TTC13: variants seen among roughly 807,000 people sequenced by gnomAD.
TTC13 encodes tetratricopeptide repeat domain 13.
Under a neutral mutation model 120.0 loss-of-function variants are expected in TTC13, and 62 were observed. The ratio of observed to expected loss-of-function variants is 0.52; its 90% confidence interval spans 0.42 to 0.64. The LOEUF is 0.64. TTC13 is among the 30% of genes least tolerant of loss of function. The pLI is 0.00. For synonymous variants in TTC13, 384 were observed against 393.5 expected (o/e 0.98, Z 0.28); for missense variants, 824 against 1,050.2 (o/e 0.78, Z 2.98).
rs951301491 is a variant in TTC13, at chr1:230,973,873, C to T, written c.271+4687G>A. ...TGGGCAGATCACGAGGTCAGGAGTT[C>T]GAGACCAGCCTGGCCAACATGGTGA... On this transcript the variant is annotated intron_variant, in intron 1 of 22. Coordinates refer to ENST00000366661, the MANE Select transcript of TTC13 (RefSeq NM_024525.5). Among the ~76,000 whole-genome samples, 6 of 152,068 alleles carry T rather than the reference C, an allele frequency of 3.9e-5. No homozygotes were observed. In the South Asian group the frequency reaches 8.3e-4, roughly 21 times the overall value.
chr1:230,910,547 G>A (rs2102731155), intron 20 of TTC13, among the ~76,000 whole-genome samples: 1 of 152,354 alleles, frequency 6.6e-6, no homozygotes, highest in African/African-American at 2.4e-5. Context: ...TTGAAGAGAT[G>A]TAGGGATGAG....
At chr1:230,922,198 C>G (rs891712571) in intron 15 of TTC13, among the ~76,000 whole-genome samples, 3 of 152,188 alleles carry the variant, frequency 2.0e-5, no homozygotes, top group African/African-American at 4.8e-5. Flanking sequence ...GGGACAACCA[C>G]GTACCTGAGG....
intron 8 of TTC13, 117 bp from the exon 9 acceptor site, chr1:230,933,978 G>A: frequency 1.8e-6 from 1 of 548,394 alleles, no homozygotes; most frequent in Non-Finnish European, 3.0e-6. Flanking sequence ...TCTTTTAGGA[G>A]GACTTTTAAA....
intron 4 of TTC13, 133 bp from the exon 5 acceptor site, chr1:230,945,587 T>C: frequency 6.4e-6 from 5 of 781,860 alleles, no homozygotes; most frequent in Middle Eastern, 3.0e-4. Context: ...CGTAAGTCAA[T>C]ACGCAGTCTC....
At chr1:230,954,482 A>G in intron 3 of TTC13, 79 bp from the exon 4 acceptor site, 5 of 1,151,226 alleles carry the variant, frequency 4.3e-6, no homozygotes, top group South Asian at 1.5e-5. Context: ...TGCTTTGGTA[A>G]ATCTCCAAAG....
At chr1:230,967,810 A>G (rs1484442380) in intron 1 of TTC13, among the ~76,000 whole-genome samples, 2 of 152,222 alleles carry the variant, frequency 1.3e-5, no homozygotes, top group African/African-American at 4.8e-5. Context: ...ATAAATAATT[A>G]CAGCCCAACC....
Position 230,906,304 on chromosome 1 carries a change from A to G in TTC13, c.*601T>C, listed in dbSNP as rs1161809188. The G allele has an allele frequency of 6.6e-6, 1 of 152,158 alleles. No individual in the cohort carries two copies. Among genetic ancestry groups the G allele is most frequent in the East Asian group, 1.9e-4 (1 of 5,202 alleles). The allele number at this position is 152,158 out of a possible 1,614,324, so 9.4% of individuals were successfully genotyped here. A position where few individuals can be genotyped will look rare whatever the true frequency, so the allele number is the denominator to read the frequency against. On this transcript the variant is annotated 3_prime_UTR_variant, in exon 23 of 23. Coordinates refer to ENST00000366661, the MANE Select transcript of TTC13 (RefSeq NM_024525.5). ...CTGGTTTATTTTTTTCAACAAAGGA[A>G]AAAAAAACATGGTTCAATAATTCAG...
intron 2 of TTC13, among the ~76,000 whole-genome samples, chr1:230,959,858 C>T (rs186859437): frequency 4.6e-3 from 702 of 152,350 alleles, no homozygotes; most frequent in Non-Finnish European, 7.3e-3. Flanking sequence ...CACTTCAGTT[C>T]CTGAAAGCTG....
rs1370614010 is a variant in TTC13, at chr1:230,942,905, TG to T, written c.672+900del. Reference sequence around the variant, plus strand: ...CAAAGAAGCGCCTCCTCTGTCTACTTGAGCCAGTATTACATGGCATCTTCAC... The same window carrying T: ...CAAAGAAGCGCCTCCTCTGTCTACTTAGCCAGTATTACATGGCATCTTCAC... On this transcript the variant is annotated intron_variant, in intron 6 of 22. Coordinates refer to ENST00000366661, the MANE Select transcript of TTC13 (RefSeq NM_024525.5). This position sits in a 1 kb window ranked among gnomAD's most constrained non-coding sequence, Gnocchi z 4.0. Among the ~76,000 whole-genome samples, 9 of 152,344 alleles carry T rather than the reference TG, an allele frequency of 5.9e-5. No homozygotes were observed. The East Asian group carries it at 1.7e-3, about 29-fold the overall frequency.
intron 6 of TTC13, among the ~76,000 whole-genome samples, chr1:230,941,749 A>G (rs957551355): frequency 6.6e-6 from 1 of 152,228 alleles, no homozygotes; most frequent in African/African-American, 2.4e-5. Flanking sequence ...GAAATTGAAT[A>G]TATGTCTGAG....
chr1:230,973,976 C>T (rs571238979), intron 1 of TTC13, among the ~76,000 whole-genome samples: 1 of 151,512 alleles, frequency 6.6e-6, no homozygotes, highest in African/African-American at 2.4e-5. Context: ...ACTTGGGAGG[C>T]TGAGGCAGGA....
At chr1:230,959,934 G>A (rs1262401414) in intron 2 of TTC13, among the ~76,000 whole-genome samples, 1 of 152,208 alleles carries the variant, frequency 6.6e-6, no homozygotes, top group Non-Finnish European at 1.5e-5. Context: ...CATATGATGT[G>A]TACAATCACA....
intron 18 of TTC13, among the ~76,000 whole-genome samples, chr1:230,913,843 G>C (rs1017906490): frequency 6.6e-6 from 1 of 152,174 alleles, no homozygotes; most frequent in Non-Finnish European, 1.5e-5. Flanking sequence ...CATTCCAGTC[G>C]GACTAGCAGG....
At chr1:230,946,733 T>C (rs1340742073) in intron 4 of TTC13, among the ~76,000 whole-genome samples, 1 of 152,196 alleles carries the variant, frequency 6.6e-6, no homozygotes, top group Non-Finnish European at 1.5e-5. Context: ...AGTCCATCAG[T>C]TCACCACAGG....
chr1:230,971,345 C>CAAA (rs11453211), intron 1 of TTC13, among the ~76,000 whole-genome samples: 7,690 of 80,188 alleles, frequency 0.096, 606 homozygotes, highest in South Asian at 0.15. Context: ...GACTCCATCT[C>CAAA]AAAAAAAAAA....
rs776738409 is a variant in TTC13 at position 230,933,864 on chromosome 1, AT to A, written c.901-4del. On this transcript the variant is annotated splice_polypyrimidine_tract_variant and splice_region_variant and intron_variant, in intron 8 of 22. Coordinates refer to ENST00000366661, the MANE Select transcript of TTC13 (RefSeq NM_024525.5). ...TCTTTGAAGGATTCAATAGCTTCCT[AT>A]AAAAAGTGTAGAGAAAATTATTTCA... 9.5e-6 allele frequency: 15 copies of A among 1,574,270 alleles called. No homozygotes were observed. The highest frequency in any genetic ancestry group is 1.4e-5 in the African/African-American group (1 of 73,396).
chr1:230,940,305 C>G lies in TTC13; in HGVS notation c.789+135G>C. ...GGTTTAATTTCAGCTACAGAAAATG[C>G]TTTTATAACTCTTATGACACAGACA... On this transcript the variant is annotated intron_variant, in intron 7 of 22. Transcript: ENST00000366661. This position sits in a 1 kb window ranked among gnomAD's most constrained non-coding sequence, Gnocchi z 4.1. 1 of 505,246 alleles carries G rather than the reference C, an allele frequency of 2.0e-6. No homozygotes were observed. Among genetic ancestry groups the G allele is most frequent in the Non-Finnish European group, 3.5e-6 (1 of 288,742 alleles). 31.3% of individuals were successfully genotyped at this position (505,246 alleles called of 1,614,324 possible).
In TTC13 at chr1:230,913,777, C is replaced by T. The variant is rs550273756; in HGVS notation, c.2094-1019G>A. 5.3e-5 allele frequency among the ~76,000 whole-genome samples: 8 copies of T among 152,230 alleles called. 1 individual carries two copies. Among genetic ancestry groups the T allele is most frequent in the Admixed American group, 1.3e-4 (2 of 15,282 alleles). ...TGGGAGAAGTGGCCTGAACATGGGT[C>T]GGGATGGGAGTGAGAGACCCAGACA... On this transcript the variant is annotated intron_variant, in intron 18 of 22. Coordinates refer to ENST00000366661, the MANE Select transcript of TTC13 (RefSeq NM_024525.5).
At chr1:230,966,883 G>C (rs1438602768) in intron 1 of TTC13, among the ~76,000 whole-genome samples, 2 of 152,140 alleles carry the variant, frequency 1.3e-5, no homozygotes, top group Non-Finnish European at 2.9e-5. Context: ...TCTGAACCTA[G>C]GCAGTCTGGT....
Sources: gnomAD v4.1 joint callset for allele counts (sites outside exome capture counted in the v4.1 genomes callset) on GRCh38, gnomAD v4.1.1 for gene constraint, Gnocchi (gnomAD v3.1) non-coding constraint, MANE v1.5 for transcripts, NCBI Gene and HGNC (gene_info 2026-07-23, HGNC 2026-07-21) for gene names.